Variants in GJA5 observed in about 807,000 individuals in gnomAD.
GJA5 encodes gap junction protein alpha 5.
A neutral mutation model predicts 7.9 loss-of-function variants in GJA5; 3 were observed. The observed-to-expected ratio is 0.38, with a 90% CI of 0.17 to 0.99. GJA5 has a LOEUF of 0.99. GJA5 is among the 50% of genes least tolerant of loss of function. The pLI is 0.38. For synonymous variants in GJA5, 193 were observed against 181.0 expected (o/e 1.07, Z -0.53); for missense variants, 390 against 457.9 (o/e 0.85, Z 1.35).
At chr1:147,764,551 GTGGTA>G (rs1553227840), upstream of GJA5, among the ~76,000 whole-genome samples, 3 of 152,092 alleles carry the variant, frequency 2.0e-5, no homozygotes, top group Non-Finnish European at 4.4e-5. Flanking sequence ...TCGGCCGGGT[GTGGTA>G]GCTCATGCCT....
intron 1 of GJA5, among the ~76,000 whole-genome samples, chr1:147,769,897 C>A (rs1203141500): frequency 6.6e-6 from 1 of 151,868 alleles, no homozygotes; most frequent in Non-Finnish European, 1.5e-5. Context: ...GAGTTGGACT[C>A]CACATGGCTC....
rs587665554 is a variant in GJA5 at position 147,758,968 on chromosome 1, C to A, written c.271G>T (p.Val91Leu). The change falls in exon 2 of 2, where the codon GTG becomes TTG. Residue 91 changes from valine to leucine, a missense_variant. Coordinates refer to ENST00000579774, the MANE Select transcript of GJA5 (RefSeq NM_181703.4). ...GTGTGCATGGCGTGGCCCATGTACA[C>A]CAGAGAGGGCGTGGAGACGAAGATG... ...QIIFVSTPSL[V>L]YMGHAMHTVR... is the part of the protein sequence containing the mutation. 1.2e-6 allele frequency: 2 copies of A among 1,614,184 alleles called. No individual in the cohort carries two copies. The highest frequency in any genetic ancestry group is 1.7e-5 in the Admixed American group (1 of 60,026).
At chr1:147,759,732 C>A (rs1663914711) in intron 1 of GJA5, among the ~76,000 whole-genome samples, 1 of 152,206 alleles carries the variant, frequency 6.6e-6, no homozygotes, top group Non-Finnish European at 1.5e-5. Flanking sequence ...ATTTACCTCA[C>A]TGAGTCTGTT....
intron 1 of GJA5, among the ~76,000 whole-genome samples, chr1:147,767,577 T>TTA (rs1444069777): frequency 1.0e-4 from 15 of 148,588 alleles, no homozygotes; most frequent in African/African-American, 3.7e-4. Flanking sequence ...TTTTTTTTTT[T>TTA]TTTAGAGATG....
chr1:147,758,849 C>T lies in GJA5; in HGVS notation c.390G>A (p.Lys130=). The stretch of plus-strand genomic sequence containing the variant: ...CTTCCTCCCAGCAGGACAGTTCTGC[C>T]TTCTCTGCCACCGGGTACTCGTAAG... ...SGSYEYPVAE[K]AELSCWEEGN... The change falls in exon 2 of 2, where the codon AAG becomes AAA. Residue 130 remains lysine, a synonymous_variant. Transcript: ENST00000579774. The T allele has an allele frequency of 6.2e-6, 10 of 1,614,222 alleles. No individual in the cohort carries two copies. Among genetic ancestry groups the T allele is most frequent in the Non-Finnish European group, 8.5e-6 (10 of 1,180,034 alleles).
At chr1:147,761,987 T>C (rs791274), upstream of GJA5, among the ~76,000 whole-genome samples, 57,468 of 152,108 alleles carry the variant, frequency 0.38, 11,575 homozygotes, top group Admixed American at 0.46. Flanking sequence ...AGATAAATGA[T>C]TCAATCTGTG....
intron 1 of GJA5, among the ~76,000 whole-genome samples, chr1:147,770,687 C>A (rs1254012569): frequency 2.0e-5 from 3 of 152,078 alleles, no homozygotes; most frequent in Non-Finnish European, 4.4e-5. Context: ...TCGGCCCTAC[C>A]CCTCAATTAG....
intron 1 of GJA5, among the ~76,000 whole-genome samples, chr1:147,765,636 G>T (rs1553228074): frequency 6.6e-6 from 1 of 152,206 alleles, no homozygotes; most frequent in Admixed American, 6.5e-5. Context: ...AATGAGCAGA[G>T]CATGGAAGGA....
chr1:147,763,362 G>A (rs1664088178), upstream of GJA5, among the ~76,000 whole-genome samples: 1 of 152,194 alleles, frequency 6.6e-6, no homozygotes, highest in Non-Finnish European at 1.5e-5. Context: ...CATGATTTCA[G>A]TAAAACACAA....
rs145008952 is a variant in GJA5, at chr1:147,758,216, C to G, written c.1023G>C (p.Lys341Asn). 8 of 1,614,028 alleles carry G rather than the reference C, an allele frequency of 5.0e-6. No individual in the cohort carries two copies. The highest frequency in any genetic ancestry group is 5.9e-6 in the Non-Finnish European group (7 of 1,180,018). The change falls in exon 2 of 2, where the codon AAG becomes AAC. Residue 341 changes from lysine (K) to asparagine (N), a missense_variant. Coordinates refer to ENST00000579774, the MANE Select transcript of GJA5 (RefSeq NM_181703.4). ...HRLPHGYHSD[K>N]RRLSKASSKA... ...TGCTGCTGGCCTTACTAAGACGTCG[C>G]TTGTCACTATGATAGCCATGGGGAA...
chr1:147,759,658 C>T (rs1216365947), intron 1 of GJA5, among the ~76,000 whole-genome samples: 4 of 152,150 alleles, frequency 2.6e-5, no homozygotes, highest in Non-Finnish European at 5.9e-5. Flanking sequence ...TGAGGGACCG[C>T]ACCTGGAGAA....
chr1:147,767,027 C>G (rs1553228295), intron 1 of GJA5, among the ~76,000 whole-genome samples: 2 of 152,176 alleles, frequency 1.3e-5, no homozygotes, highest in Admixed American at 1.3e-4. Context: ...AAGCAAAGCA[C>G]CAAGCATAAC....
intron 1 of GJA5, among the ~76,000 whole-genome samples, chr1:147,767,497 C>G (rs1553228357): frequency 6.7e-6 from 1 of 148,548 alleles, no homozygotes; most frequent in African/African-American, 2.5e-5. Flanking sequence ...AGGTGATCCT[C>G]CCACCTCAGC....
upstream of GJA5, among the ~76,000 whole-genome samples, chr1:147,764,163 C>T (rs1326581113): frequency 1.3e-5 from 2 of 152,122 alleles, no homozygotes; most frequent in Non-Finnish European, 2.9e-5. Context: ...CAAAGAAAAT[C>T]ATTTCAGAGC....
At chr1:147,769,571 AAAACT>A (rs200742326) in intron 1 of GJA5, among the ~76,000 whole-genome samples, 200 of 149,792 alleles carry the variant, frequency 1.3e-3, no homozygotes, top group Non-Finnish European at 2.3e-3. Context: ...ATTTCCAGTA[AAAACT>A]CCTCTCAGAC....
intron 1 of GJA5, among the ~76,000 whole-genome samples, chr1:147,769,201 C>A (rs973539107): frequency 6.6e-6 from 1 of 152,240 alleles, no homozygotes; most frequent in Non-Finnish European, 1.5e-5. Context: ...AAGTTATTTC[C>A]TTTTTTAGCC....
Position 147,758,342 on chromosome 1 carries a change from C to G in GJA5, c.897G>C (p.Glu299Asp). 1 of 1,614,142 alleles carries G rather than the reference C, an allele frequency of 6.2e-7. No homozygotes were observed. Among genetic ancestry groups the G allele is most frequent in the Non-Finnish European group, 8.5e-7 (1 of 1,180,012 alleles). ...SQQNTDNLVT[E>D]QVRGQEQTPG... ...GAGTCTGCTCCTGACCTCGTACTTG[C>G]TCGGTGACCAGGTTGTCTGTGTTTT... is the stretch of plus-strand genomic sequence containing the variant. Residue 299 changes from glutamate to aspartate, a missense_variant, in exon 2 of 2, where the codon GAG (glutamate) becomes GAC (aspartate). Physicochemically the swap from Glu to Asp is conservative, Grantham distance 45. Around this residue, in one of 2 missense-constraint regions of GJA5, gnomAD observed 354 missense variants for 370.9 expected, o/e 0.95. Transcript: ENST00000579774.
chr1:147,771,070 G>C (rs1023450101), intron 1 of GJA5, among the ~76,000 whole-genome samples: 2 of 152,154 alleles, frequency 1.3e-5, no homozygotes, highest in Non-Finnish European at 2.9e-5. Flanking sequence ...GGGTCTCCCT[G>C]TCCCTGAAAA....
chr1:147,760,446 C>T (rs1280401123), intron 1 of GJA5, 53 bp downstream of exon 1: 1 of 152,512 alleles, frequency 6.6e-6, no homozygotes, highest in Non-Finnish European at 1.5e-5. Flanking sequence ...AGCCCTCCCT[C>T]CTCCCTCAAG....
Sources: allele counts gnomAD v4.1 joint callset (sites outside exome capture counted in the v4.1 genomes callset), GRCh38; gene constraint gnomAD v4.1.1; regional missense constraint gnomAD v4.1.1; transcripts MANE v1.5; gene names NCBI Gene and HGNC (gene_info 2026-07-23, HGNC 2026-07-21).